The following PAX8 variants were observed in gnomAD, a reference collection of about 807,000 sequenced individuals.
The protein encoded by PAX8 is paired box protein Pax-8.
Under a neutral mutation model 52.4 loss-of-function variants are expected in PAX8, and 15 were observed. The ratio of observed to expected loss-of-function variants is 0.29; its 90% CI spans 0.19 to 0.44. The LOEUF (loss-of-function observed/expected upper bound fraction) is 0.44, where lower values mean the gene tolerates loss of function less well. Ranked by LOEUF, PAX8 falls within the 20% of genes least tolerant of loss-of-function variation. The pLI is 1.00. For missense variants in PAX8, 554 were observed against 602.5 expected, an observed-to-expected ratio of 0.92 and a Z score of 0.84; for synonymous variants, 284 against 249.7, an observed-to-expected ratio of 1.14 and a Z score of -1.29.
chr2:113,234,844 G>A (rs1303198106), intron 9 of PAX8, among the ~76,000 whole-genome samples: 1 of 152,148 alleles, frequency 6.6e-6, no homozygotes, highest in African/African-American at 2.4e-5. Flanking sequence ...AATATTTTGA[G>A]GCAGTTGAGG....
intron 2 of PAX8, among the ~76,000 whole-genome samples, chr2:113,256,364 G>A (rs951044647): frequency 5.9e-5 from 9 of 152,220 alleles, no homozygotes; most frequent in Non-Finnish European, 7.3e-5. Flanking sequence ...GATCTCCGAA[G>A]GGCTGGCTCA....
At chr2:113,234,768 T>C (rs1386022435) in intron 9 of PAX8, among the ~76,000 whole-genome samples, 1 of 152,194 alleles carries the variant, frequency 6.6e-6, no homozygotes, top group Non-Finnish European at 1.5e-5. Flanking sequence ...TCCACCTGCC[T>C]CGGCCTCCCA....
intron 2 of PAX8, chr2:113,274,535 A>G (rs1252245796): frequency 6.6e-6 from 1 of 152,000 alleles, no homozygotes; most frequent in African/African-American, 2.4e-5. Context: ...TTCCACCCCC[A>G]TTGCCTCCTT....
intron 2 of PAX8, among the ~76,000 whole-genome samples, chr2:113,247,950 A>T (rs1044462267): frequency 6.6e-6 from 1 of 152,176 alleles, no homozygotes; most frequent in Non-Finnish European, 1.5e-5. Context: ...GGGGAACTTG[A>T]CTTGGCTCAA....
chr2:113,255,759 G>A (rs1159946264), intron 2 of PAX8, among the ~76,000 whole-genome samples: 1 of 150,482 alleles, frequency 6.6e-6, no homozygotes, highest in African/African-American at 2.4e-5. Flanking sequence ...ATGATGGGAG[G>A]TGATCTACAC....
At chr2:113,232,248 A>G (rs1449233282) in intron 9 of PAX8, among the ~76,000 whole-genome samples, 2 of 152,208 alleles carry the variant, frequency 1.3e-5, no homozygotes, top group Non-Finnish European at 2.9e-5. Flanking sequence ...TGAGCTCAGC[A>G]TGGACACCAG....
intron 2 of PAX8, among the ~76,000 whole-genome samples, chr2:113,254,313 T>A (rs1412708794): frequency 6.6e-6 from 1 of 152,250 alleles, no homozygotes; most frequent in Non-Finnish European, 1.5e-5. Flanking sequence ...GGGATGGGTA[T>A]ATATTTAAAA....
rs1014916513 is a variant in PAX8, at chr2:113,235,476, G to A, written c.1005C>T (p.Val335=). 5.0e-6 allele frequency: 8 copies of A among 1,613,386 alleles called. No homozygotes were observed. Among genetic ancestry groups the A allele is most frequent in the Non-Finnish European group, 6.8e-6 (8 of 1,179,696 alleles). ...CATTGAAGGGCGGGACCCCGGAGCCGACTTGCTGCAGATCCAAAAAGGCGG... is the reference window on the plus strand; with the variant it reads ...CATTGAAGGGCGGGACCCCGGAGCCAACTTGCTGCAGATCCAAAAAGGCGG... ...SSSAFLDLQQ[V]GSGVPPFNAF... is the part of the protein sequence containing the mutation. The change falls in exon 9 of 12, where the codon GTC becomes GTT. Residue 335 remains valine (V), a synonymous_variant. Transcript: ENST00000429538.
chr2:113,226,610 A>G lies in PAX8; in HGVS notation c.1189+545T>C, dbSNP rs991957681. The G allele has an allele frequency of 3.8e-6, 4 of 1,059,786 alleles. No homozygotes were observed. The Admixed American group carries it at 1.4e-4, about 37-fold the overall frequency. 65.6% of individuals were successfully genotyped at this position (1,059,786 alleles called of 1,614,324 possible). A position where few individuals can be genotyped will look rare whatever the true frequency, so the allele number is the denominator to read the frequency against. On this transcript the variant is annotated intron_variant, in intron 10 of 11. Coordinates refer to ENST00000429538, the MANE Select transcript of PAX8 (RefSeq NM_003466.4). ...TTAGAGTACCTAGAACCCGGGTCCT[A>G]TCCATGCAGGCTTGAGAGAGAGATG...
chr2:113,271,627 T>C (rs1185939692), intron 2 of PAX8: 2 of 150,720 alleles, frequency 1.3e-5, no homozygotes, highest in Non-Finnish European at 2.9e-5. Context: ...GCTCTGCCTG[T>C]CACTGCCAGC....
At chr2:113,242,831 A>T (rs1399034226) in intron 4 of PAX8, 53 bp from the exon 5 acceptor site, 1 of 1,419,716 alleles carries the variant, frequency 7.0e-7, no homozygotes, top group Non-Finnish European at 1.0e-6. Context: ...AAGAGAACTC[A>T]TGGCTGCCCC....
intron 9 of PAX8, among the ~76,000 whole-genome samples, chr2:113,227,506 C>G (rs13406391): frequency 0.018 from 2,798 of 152,330 alleles, 108 homozygotes; most frequent in African/African-American, 0.064. Flanking sequence ...GTTCCCTGTT[C>G]TCCAGTGGTT....
chr2:113,253,006 G>C (rs1466124541), intron 2 of PAX8, among the ~76,000 whole-genome samples: 1 of 152,190 alleles, frequency 6.6e-6, no homozygotes, highest in African/African-American at 2.4e-5. Context: ...TCGGTGCTCA[G>C]CCTGCTCTGT....
chr2:113,224,767 T>C (rs2104424897), intron 10 of PAX8, among the ~76,000 whole-genome samples: 1 of 150,222 alleles, frequency 6.7e-6, no homozygotes, highest in South Asian at 2.1e-4. Flanking sequence ...TTGAGAATCA[T>C]TGACTGTTAA....
chr2:113,242,038 G>T lies in PAX8; in HGVS notation c.571C>A (p.Pro191Thr). ...SINGLLGIAQ[P>T]GSDKRKMDDS... The stretch of plus-strand genomic sequence containing the variant: ...TCCATTTTCCTCTTGTCGCTGCCAG[G>T]CTGAGCGATGCCCAGGAGCCCATTG... The change falls in exon 6 of 12, where the codon CCT becomes ACT. Residue 191 changes from proline to threonine, a missense_variant. Transcript: ENST00000429538. 4.3e-6 allele frequency: 7 copies of T among 1,613,748 alleles called. No homozygotes were observed. Among genetic ancestry groups the T allele is most frequent in the Non-Finnish European group, 5.1e-6 (6 of 1,179,844 alleles).
intron 9 of PAX8, among the ~76,000 whole-genome samples, chr2:113,229,368 G>A (rs1689759862): frequency 6.6e-6 from 1 of 152,234 alleles, no homozygotes; most frequent in Non-Finnish European, 1.5e-5. Context: ...GCTACAGGTG[G>A]ACATTGATTA....
intron 2 of PAX8, chr2:113,271,848 G>C (rs1418712334): frequency 3.3e-5 from 5 of 151,452 alleles, no homozygotes; most frequent in African/African-American, 1.2e-4. Flanking sequence ...ATACCTGCCT[G>C]GCAGAGTTGT....
chr2:113,219,373 C>T (rs1689153829), intron 11 of PAX8, among the ~76,000 whole-genome samples: 2 of 152,120 alleles, frequency 1.3e-5, no homozygotes, highest in Admixed American at 1.3e-4. Flanking sequence ...CACCCAAGGC[C>T]ACCACTCAGG....
At chr2:113,276,276 CAG>C (rs1693809929) in intron 2 of PAX8, 1 of 152,186 alleles carries the variant, frequency 6.6e-6, no homozygotes, top group Non-Finnish European at 1.5e-5. Flanking sequence ...AGAAAAGAAA[CAG>C]GGAGCGCCTT....
Sources: gnomAD v4.1 joint callset for allele counts (sites outside exome capture counted in the v4.1 genomes callset) on GRCh38, gnomAD v4.1.1 for gene constraint, MANE v1.5 for transcripts, NCBI Gene and HGNC (gene_info 2026-07-23, HGNC 2026-07-21) for gene names.